The following IKZF5 variants were observed in gnomAD, a reference collection of about 807,000 sequenced individuals.
The protein encoded by IKZF5 is zinc finger protein Pegasus.
In IKZF5, 4 loss-of-function variants were observed where a neutral mutation model predicts 30.7. That is an observed-to-expected ratio of 0.13 (90% CI 0.06 to 0.30). The LOEUF is 0.30. Ranked by LOEUF, IKZF5 falls within the 10% of genes least tolerant of loss-of-function variation. The pLI is 1.00. For missense variants in IKZF5, 348 were observed against 525.5 expected (o/e 0.66, Z 3.30); for synonymous variants, 148 against 179.6 (o/e 0.82, Z 1.41).
rs1301060491 is a variant in IKZF5 at position 123,006,626 on chromosome 10, G to C, written c.-47+400C>G. On this transcript the variant is annotated intron_variant, in intron 2 of 4. Coordinates refer to ENST00000368886, the MANE Select transcript of IKZF5 (RefSeq NM_001372123.1). The stretch of plus-strand genomic sequence containing the variant: ...TTCGTTCACCTAGCATTCATGAGAA[G>C]TCTTACTTCTCATAGGTAACCATAA... 2.6e-5 allele frequency among the ~76,000 whole-genome samples: 4 copies of C among 152,140 alleles called. No individual in the cohort carries two copies. In the South Asian group the frequency reaches 8.3e-4, roughly 31 times the overall value.
intron 2 of IKZF5, among the ~76,000 whole-genome samples, chr10:123,000,367 T>C (rs1300662830): frequency 6.6e-6 from 1 of 152,230 alleles, no homozygotes; most frequent in Non-Finnish European, 1.5e-5. Flanking sequence ...AACATTGTAA[T>C]TGTAAGATTC....
At chr10:123,001,917 T>C (rs1849600432) in intron 2 of IKZF5, among the ~76,000 whole-genome samples, 3 of 152,248 alleles carry the variant, frequency 2.0e-5, no homozygotes, top group Admixed American at 6.5e-5. Context: ...CAAAACTTCT[T>C]CTTTGACTTA....
intron 2 of IKZF5, among the ~76,000 whole-genome samples, chr10:123,000,907 CT>C (rs1276711022): frequency 6.6e-6 from 1 of 151,712 alleles, no homozygotes; most frequent in East Asian, 1.9e-4. Flanking sequence ...ATTGTGTTGT[CT>C]TTTTCTAATA....
At chr10:123,006,117 T>C (rs1316398247) in intron 2 of IKZF5, among the ~76,000 whole-genome samples, 2 of 152,162 alleles carry the variant, frequency 1.3e-5, no homozygotes, top group Non-Finnish European at 2.9e-5. Context: ...GTCCCCCAAT[T>C]TATTATTCAA....
Position 122,993,683 on chromosome 10 carries a change from G to T in IKZF5, c.*97C>A. ...TCTATAAATATAATGTATAAGCCTT[G>T]AATTAGCAGACACTTTATTAGGGAT... On this transcript the variant is annotated 3_prime_UTR_variant, in exon 5 of 5. Transcript: ENST00000368886. 1.4e-6 allele frequency: 1 copy of T among 702,320 alleles called. No individual in the cohort carries two copies. The highest frequency in any genetic ancestry group is 2.4e-6 in the Non-Finnish European group (1 of 420,650). The allele number at this position is 702,320 out of a possible 1,614,324, so 43.5% of individuals were successfully genotyped here.
At chr10:123,006,613 G>T (rs1849796203) in intron 2 of IKZF5, among the ~76,000 whole-genome samples, 2 of 152,116 alleles carry the variant, frequency 1.3e-5, no homozygotes, top group African/African-American at 4.8e-5. Context: ...CGTTCACCTA[G>T]CATTCATGAG....
intron 3 of IKZF5, 88 bp from the exon 4 acceptor site, chr10:122,996,264 A>G (rs1849369559): frequency 1.8e-6 from 2 of 1,129,954 alleles, no homozygotes; most frequent in Non-Finnish European, 2.5e-6. Flanking sequence ...AAAATCTTAT[A>G]AATTGACAGT....
chr10:122,994,108 G>A lies in IKZF5; in HGVS notation c.932C>T (p.Thr311Ile), dbSNP rs1209706027. The A allele has an allele frequency of 1.9e-6, 3 of 1,614,182 alleles. No homozygotes were observed. The highest frequency in any genetic ancestry group is 1.7e-5 in the Admixed American group (1 of 60,024). ...SASIPQSSSPTSPEPRPSHSQ... is the reference protein window; with the variant it reads ...SASIPQSSSPISPEPRPSHSQ... ...ATGGGATGGCCGAGGTTCTGGGCTT[G>A]TGGGAGAGGAGCTCTGAGGAATACT... The change falls in exon 5 of 5, where the codon ACA becomes ATA. Residue 311 changes from threonine (T) to isoleucine (I), a missense_variant. Physicochemically the swap from Thr to Ile is moderately conservative, Grantham distance 89. Around this residue, in one of 4 missense-constraint regions of IKZF5, gnomAD observed 176 missense variants for 198.2 expected, o/e 0.89. Transcript: ENST00000368886. The surrounding 1 kb of genome is among the most constrained non-coding windows in gnomAD (Gnocchi z 5.6).
chr10:123,008,462 C>G (rs923725499), intron 1 of IKZF5: 1 of 161,066 alleles, frequency 6.2e-6, no homozygotes, highest in African/African-American at 2.4e-5. Context: ...CAGGAGACCC[C>G]GCTCCCTCGG....
At position 122,994,142 on chromosome 10, in the gene IKZF5, C is replaced by T. The variant is rs375400729; in HGVS notation, c.898G>A (p.Val300Ile). The change falls in exon 5 of 5, where the codon GTA becomes ATA. Residue 300 changes from valine (V) to isoleucine (I), a missense_variant. Around this residue, in one of 4 missense-constraint regions of IKZF5, gnomAD observed 176 missense variants for 198.2 expected, o/e 0.89. Transcript: ENST00000368886. This position sits in a 1 kb window ranked among gnomAD's most constrained non-coding sequence, Gnocchi z 5.6. ...GAGCTCTGAGGAATACTTGCTGATA[C>T]GGCAGAAACTACTGCTTGGGTAGAG... ...QPSTQAVVSA[V>I]SASIPQSSSP... 4.4e-5 allele frequency: 71 copies of T among 1,613,944 alleles called. No homozygotes were observed. The highest frequency in any genetic ancestry group is 2.8e-4 in the African/African-American group (21 of 74,864).
At position 122,994,203 on chromosome 10, in the gene IKZF5, G is replaced by T; in HGVS notation, c.837C>A (p.Pro279=). 1 of 1,614,150 alleles carries T rather than the reference G, an allele frequency of 6.2e-7. No individual in the cohort carries two copies. Among genetic ancestry groups the T allele is most frequent in the East Asian group, 2.2e-5 (1 of 44,864 alleles). The part of the protein sequence containing the change: ...NQNPASPDVV[P]CPDEKPFMIQ... ...TCATGAAAGGCTTTTCATCAGGGCAGGGAACTACATCAGGGGATGCAGGGT... is the reference window on the plus strand; with the variant it reads ...TCATGAAAGGCTTTTCATCAGGGCATGGAACTACATCAGGGGATGCAGGGT... The change falls in exon 5 of 5, where the codon CCC becomes CCA. Residue 279 remains proline (P), a synonymous_variant. Coordinates refer to ENST00000368886, the MANE Select transcript of IKZF5 (RefSeq NM_001372123.1). The surrounding 1 kb of genome is among the most constrained non-coding windows in gnomAD (Gnocchi z 5.6).
intron 2 of IKZF5, among the ~76,000 whole-genome samples, chr10:123,006,522 T>C (rs1279702801): frequency 6.6e-6 from 1 of 152,208 alleles, no homozygotes; most frequent in African/African-American, 2.4e-5. Context: ...CTCTCTAACC[T>C]ATCTTCCTTC....
intron 3 of IKZF5, 60 bp downstream of exon 3, chr10:122,998,433 C>T (rs1849465455): frequency 2.1e-6 from 3 of 1,409,764 alleles, no homozygotes; most frequent in Non-Finnish European, 2.9e-6. Flanking sequence ...GTAACAGCTA[C>T]ACGCAATCAT....
In IKZF5 at chr10:123,006,398, G is replaced by T. The variant is rs909726792; in HGVS notation, c.-47+628C>A. ...CAAGCACACACACACAATTACATGTGTGTATATATGTGCACCCCCCCCAGC... is the reference window on the plus strand; with the variant it reads ...CAAGCACACACACACAATTACATGTTTGTATATATGTGCACCCCCCCCAGC... On this transcript the variant is annotated intron_variant, in intron 2 of 4. Coordinates refer to ENST00000368886, the MANE Select transcript of IKZF5 (RefSeq NM_001372123.1). 2.0e-5 allele frequency among the ~76,000 whole-genome samples: 3 copies of T among 152,110 alleles called. No individual in the cohort carries two copies. In the East Asian group the frequency reaches 5.8e-4, roughly 29 times the overall value.
chr10:122,996,232 C>T, intron 3 of IKZF5, 56 bp from the exon 4 acceptor site: 1 of 1,472,154 alleles, frequency 6.8e-7, no homozygotes, highest in Non-Finnish European at 9.4e-7. Flanking sequence ...CTCAATTTAG[C>T]ATTTCAGTTT....
chr10:122,991,711 G>A lies in IKZF5; in HGVS notation c.*2069C>T, dbSNP rs1849167887. The A allele has an allele frequency of 6.6e-6, 1 of 152,218 alleles. No individual in the cohort carries two copies. The highest frequency in any genetic ancestry group is 3.4e-3 in the Middle Eastern group (1 of 294). 9.4% of individuals were successfully genotyped at this position (152,218 alleles called of 1,614,324 possible). ...CATCAAAACCTTTGGGATATCAACT[G>A]TGCTCTTTAAGTCATGGCAAAATTA... On this transcript the variant is annotated 3_prime_UTR_variant, in exon 5 of 5. Transcript: ENST00000368886.
chr10:123,008,582 C>T, intron 1 of IKZF5, 112 bp downstream of exon 1: 1 of 284,702 alleles, frequency 3.5e-6, no homozygotes, highest in South Asian at 3.2e-5. Context: ...AACTGAGTCT[C>T]CGTCCGGATC....
In IKZF5 at chr10:122,999,135, A is replaced by G. The variant is rs190949498; in HGVS notation, c.-46-464T>C. 8.5e-5 allele frequency among the ~76,000 whole-genome samples: 13 copies of G among 152,332 alleles called. No homozygotes were observed. In the East Asian group the frequency reaches 1.2e-3, roughly 14 times the overall value. Reference sequence around the variant, plus strand: ...CTTGGGTCTGAGTGGTCAAGGCTGCAGTGAGCCGTGATTGCACCACTGGAC... The same window carrying G: ...CTTGGGTCTGAGTGGTCAAGGCTGCGGTGAGCCGTGATTGCACCACTGGAC... On this transcript the variant is annotated intron_variant, in intron 2 of 4. Transcript: ENST00000368886.
intron 1 of IKZF5, among the ~76,000 whole-genome samples, chr10:123,008,076 G>A (rs971479759): frequency 9.9e-5 from 15 of 152,158 alleles, no homozygotes; most frequent in Non-Finnish European, 2.1e-4. Context: ...TTTATCCAAA[G>A]ATCTAAACCC....
Sources: allele counts gnomAD v4.1 joint callset (sites outside exome capture counted in the v4.1 genomes callset), GRCh38; gene constraint gnomAD v4.1.1; regional missense constraint gnomAD v4.1.1; non-coding constraint Gnocchi (gnomAD v3.1); transcripts MANE v1.5; gene names NCBI Gene and HGNC (gene_info 2026-07-23, HGNC 2026-07-21).